ANO3: variants seen among roughly 807,000 people sequenced by gnomAD.
The protein encoded by ANO3 is anoctamin 3, also known as anoctamin-3.
ANO3 carries 99 observed loss-of-function variants against 144.8 expected under a neutral mutation model. That is an observed-to-expected ratio of 0.68 (90% CI 0.58 to 0.81). ANO3 has a LOEUF of 0.81. Ranked by LOEUF, ANO3 falls within the 30% of genes least tolerant of loss-of-function variation. The pLI is 0.00. For synonymous variants in ANO3, 414 were observed against 392.6 expected (o/e 1.05, Z -0.64); for missense variants, 905 against 1,202.2 (o/e 0.75, Z 3.66).
At chr11:26,636,705 T>A (rs962381930) in intron 20 of ANO3, among the ~76,000 whole-genome samples, 1 of 152,236 alleles carries the variant, frequency 6.6e-6, no homozygotes, top group Non-Finnish European at 1.5e-5. Context: ...CTGAACACTG[T>A]GCTTTCCAGC....
intron 22 of ANO3, 57 bp from the exon 23 acceptor site, chr11:26,643,125 C>T: frequency 6.4e-7 from 1 of 1,552,824 alleles, no homozygotes; most frequent in Non-Finnish European, 8.8e-7. Context: ...ATATAAAGCA[C>T]CAAATTTGTC....
At chr11:26,552,925 A>G (rs1849973279) in intron 12 of ANO3, among the ~76,000 whole-genome samples, 1 of 148,514 alleles carries the variant, frequency 6.7e-6, no homozygotes, top group Admixed American at 6.7e-5. Flanking sequence ...CTCCATTGGT[A>G]TACCGCACAA....
At chr11:26,225,549 CAAGAA>C (rs3059279) in intron 1 of ANO3, among the ~76,000 whole-genome samples, 45,833 of 151,726 alleles carry the variant, frequency 0.3, 7,628 homozygotes, top group Non-Finnish European at 0.37. Context: ...TTTTATATAG[CAAGAA>C]TAGAAAGATA....
At chr11:26,394,373 A>G (rs1856952100) in intron 1 of ANO3, among the ~76,000 whole-genome samples, 1 of 152,018 alleles carries the variant, frequency 6.6e-6, no homozygotes, top group Non-Finnish European at 1.5e-5. Context: ...CATTTTATAT[A>G]TTACAAATGG....
At chr11:26,464,569 A>G (rs1213133505) in intron 4 of ANO3, among the ~76,000 whole-genome samples, 1 of 151,912 alleles carries the variant, frequency 6.6e-6, no homozygotes, top group Admixed American at 6.6e-5. Context: ...TTTCTTCTCA[A>G]CAGTAGCAAT....
intron 1 of ANO3, among the ~76,000 whole-genome samples, chr11:26,411,258 G>T (rs1039431884): frequency 6.6e-6 from 1 of 151,944 alleles, no homozygotes; most frequent in Non-Finnish European, 1.5e-5. Context: ...GTAGTTTAGG[G>T]TCTAATGGAG....
chr11:26,391,503 G>C (rs547562469), intron 1 of ANO3, among the ~76,000 whole-genome samples: 6 of 152,196 alleles, frequency 3.9e-5, no homozygotes. Context: ...GATCCTTTAA[G>C]AGTCAAGGGA....
chr11:26,421,937 G>A (rs1006430736), intron 1 of ANO3, among the ~76,000 whole-genome samples: 1 of 151,978 alleles, frequency 6.6e-6, no homozygotes, highest in African/African-American at 2.4e-5. Context: ...ACACACACTG[G>A]GGCCTTTCAG....
chr11:26,388,172 C>T, intron 1 of ANO3, among the ~76,000 whole-genome samples: 1 of 149,830 alleles, frequency 6.7e-6, no homozygotes. Flanking sequence ...TTTTTGTCCC[C>T]AAAATTATAT....
chr11:26,347,187 G>C (rs1855518009), intron 1 of ANO3, among the ~76,000 whole-genome samples: 1 of 152,188 alleles, frequency 6.6e-6, no homozygotes, highest in Non-Finnish European at 1.5e-5. Flanking sequence ...TCTTACATGT[G>C]TAAAATAACA....
At chr11:26,370,152 G>A (rs1856207749) in intron 1 of ANO3, among the ~76,000 whole-genome samples, 1 of 152,158 alleles carries the variant, frequency 6.6e-6, no homozygotes, top group African/African-American at 2.4e-5. Flanking sequence ...TCCACATGTT[G>A]TGAGAGGGAC....
At chr11:26,484,802 C>A (rs1014722600) in intron 4 of ANO3, among the ~76,000 whole-genome samples, 19 of 152,142 alleles carry the variant, frequency 1.2e-4, no homozygotes, top group Non-Finnish European at 2.2e-4. Flanking sequence ...CACATATGCC[C>A]AAGGTCTTGG....
chr11:26,582,983 C>G (rs1303746594), intron 14 of ANO3, among the ~76,000 whole-genome samples: 2 of 152,058 alleles, frequency 1.3e-5, no homozygotes, highest in East Asian at 3.9e-4. Context: ...AAATACATGG[C>G]AAAAAGCTGA....
At chr11:26,209,688 T>C (rs943811878) in intron 1 of ANO3, among the ~76,000 whole-genome samples, 4 of 152,360 alleles carry the variant, frequency 2.6e-5, no homozygotes, top group South Asian at 2.1e-4. Flanking sequence ...CCATTCTAAC[T>C]GGTGTGAGAT....
At chr11:26,577,935 A>G (rs1486288132) in intron 14 of ANO3, among the ~76,000 whole-genome samples, 1 of 152,212 alleles carries the variant, frequency 6.6e-6, no homozygotes, top group African/African-American at 2.4e-5. Context: ...GCTCAAGAGA[A>G]TGTTGGAATT....
intron 1 of ANO3, among the ~76,000 whole-genome samples, chr11:26,351,882 T>C (rs1204733937): frequency 6.6e-6 from 1 of 152,140 alleles, no homozygotes; most frequent in Non-Finnish European, 1.5e-5. Flanking sequence ...TAATATCCCT[T>C]GATTGAAAAT....
intron 1 of ANO3, chr11:26,309,807 G>T (rs895750508): frequency 1.7e-6 from 1 of 576,318 alleles, no homozygotes. Context: ...TTTACAGGGG[G>T]GGTGAAAATT....
chr11:26,527,517 A>C (rs191880864), intron 7 of ANO3, among the ~76,000 whole-genome samples: 1 of 152,158 alleles, frequency 6.6e-6, no homozygotes, highest in Non-Finnish European at 1.5e-5. Flanking sequence ...ACTGAAAAAA[A>C]TTACAAAATT....
At chr11:26,213,481 A>C (rs1851976152) in intron 1 of ANO3, among the ~76,000 whole-genome samples, 1 of 152,212 alleles carries the variant, frequency 6.6e-6, no homozygotes, top group South Asian at 2.1e-4. Flanking sequence ...TTATACACCA[A>C]TAACAGACAA....
Sources: allele counts gnomAD v4.1 joint callset (sites outside exome capture counted in the v4.1 genomes callset), GRCh38; gene constraint gnomAD v4.1.1; transcripts MANE v1.5; gene names NCBI Gene and HGNC (gene_info 2026-07-23, HGNC 2026-07-21).